The following ARHGEF26 variants were observed in gnomAD, a reference collection of about 807,000 sequenced individuals.
ARHGEF26 encodes the protein Rho guanine nucleotide exchange factor (GEF) 26.
A neutral mutation model predicts 89.4 loss-of-function variants in ARHGEF26; 59 were observed. The ratio of observed to expected loss-of-function variants is 0.66; its 90% confidence interval spans 0.54 to 0.82. The LOEUF (loss-of-function observed/expected upper bound fraction) is 0.82, where lower values mean the gene tolerates loss of function less well. Ranked by LOEUF, ARHGEF26 falls within the 40% of genes least tolerant of loss-of-function variation. The pLI, the probability that ARHGEF26 is intolerant of heterozygous loss-of-function variation, is 0.00. For missense variants in ARHGEF26, 1,234 were observed against 1,085.6 expected (o/e 1.14, Z -1.92); for synonymous variants, 500 against 428.4 (o/e 1.17, Z -2.06).
intron 6 of ARHGEF26, among the ~76,000 whole-genome samples, chr3:154,180,199 G>GT (rs1302160878): frequency 6.6e-6 from 1 of 152,012 alleles, no homozygotes; most frequent in African/African-American, 2.4e-5. Context: ...TCCCATCTCA[G>GT]TATCATTAAT....
chr3:154,179,705 G>A (rs1486392274), intron 6 of ARHGEF26, among the ~76,000 whole-genome samples: 1 of 152,154 alleles, frequency 6.6e-6, no homozygotes, highest in Admixed American at 6.5e-5. Context: ...TTTCTGGGAT[G>A]GATGAAGCTA....
chr3:154,140,540 T>C (rs1274213554), intron 4 of ARHGEF26, among the ~76,000 whole-genome samples: 35 of 151,834 alleles, frequency 2.3e-4, no homozygotes, highest in Admixed American at 2.2e-3. Context: ...CTTTTTACTA[T>C]GCTTGTCTTT....
chr3:154,235,938 AT>A (rs1342920302), intron 11 of ARHGEF26, among the ~76,000 whole-genome samples: 2 of 152,144 alleles, frequency 1.3e-5, no homozygotes, highest in African/African-American at 4.8e-5. Context: ...TTGTATGCAA[AT>A]TTTTAAATGT....
intron 9 of ARHGEF26, among the ~76,000 whole-genome samples, chr3:154,201,681 T>C (rs1308668404): frequency 6.6e-6 from 1 of 151,268 alleles, no homozygotes; most frequent in African/African-American, 2.4e-5. Context: ...TCCTGACTTT[T>C]TAATGATTGC....
intron 6 of ARHGEF26, among the ~76,000 whole-genome samples, chr3:154,174,066 T>G (rs1238431669): frequency 6.6e-6 from 1 of 152,180 alleles, no homozygotes; most frequent in Non-Finnish European, 1.5e-5. Flanking sequence ...AAGATCTGAC[T>G]CCAGAGCTCT....
At chr3:154,214,041 G>A (rs1456483142) in intron 9 of ARHGEF26, among the ~76,000 whole-genome samples, 1 of 152,120 alleles carries the variant, frequency 6.6e-6, no homozygotes, top group Admixed American at 6.5e-5. Flanking sequence ...GACAGAGTGG[G>A]GTGAAGGATG....
chr3:154,132,588 A>G (rs1295496246), intron 4 of ARHGEF26, among the ~76,000 whole-genome samples: 9 of 152,146 alleles, frequency 5.9e-5, no homozygotes, highest in Non-Finnish European at 1.2e-4. Flanking sequence ...ATCATTAACA[A>G]TGTCAGGATG....
chr3:154,125,670 T>A (rs2108038342), intron 3 of ARHGEF26, among the ~76,000 whole-genome samples: 1 of 152,360 alleles, frequency 6.6e-6, no homozygotes, highest in East Asian at 1.9e-4. Flanking sequence ...TTTAGATTTT[T>A]TTTGAAGTCA....
chr3:154,235,059 CT>C lies in ARHGEF26; in HGVS notation c.2091-5301del, dbSNP rs923225869. Among the ~76,000 whole-genome samples the C allele has an allele frequency of 1.5e-4, 23 of 149,986 alleles. 1 individual carries two copies. The South Asian group carries it at 1.7e-3, about 11-fold the overall frequency. On this transcript the variant is annotated intron_variant, in intron 11 of 14. Coordinates refer to ENST00000465093, the MANE Select transcript of ARHGEF26 (RefSeq NM_015595.4). Reference sequence around the variant, plus strand: ...TAATACATCATAAGGCTAGTTTATTCTTTTTTTTTTCCACAATCTTTCTGGC... The same window carrying C: ...TAATACATCATAAGGCTAGTTTATTCTTTTTTTTTCCACAATCTTTCTGGC...
chr3:154,226,695 A>ACACACACACACACACC (rs1553750133), intron 11 of ARHGEF26, among the ~76,000 whole-genome samples: 3 of 125,966 alleles, frequency 2.4e-5, no homozygotes, highest in Non-Finnish European at 3.5e-5. Context: ...ACACACACAC[A>ACACACACACACACACC]CCCCTTCAGC....
chr3:154,194,072 C>T (rs533942182), intron 8 of ARHGEF26, among the ~76,000 whole-genome samples: 2 of 152,050 alleles, frequency 1.3e-5, no homozygotes, highest in Non-Finnish European at 2.9e-5. Flanking sequence ...AAGTATTCTG[C>T]CTGCCTTGGC....
At chr3:154,138,329 G>A (rs1719146153) in intron 4 of ARHGEF26, among the ~76,000 whole-genome samples, 1 of 152,120 alleles carries the variant, frequency 6.6e-6, no homozygotes, top group Non-Finnish European at 1.5e-5. Flanking sequence ...GCACCTTAGT[G>A]TAGCTTGTTA....
chr3:154,151,622 C>T (rs1345504764), intron 5 of ARHGEF26, among the ~76,000 whole-genome samples: 2 of 152,196 alleles, frequency 1.3e-5, no homozygotes, highest in Non-Finnish European at 2.9e-5. Flanking sequence ...AGTTACATCA[C>T]TTAATTTCAT....
At chr3:154,121,356 G>C (rs1293433536), upstream of ARHGEF26, 1 of 152,156 alleles carries the variant, frequency 6.6e-6, no homozygotes, top group Non-Finnish European at 1.5e-5. Context: ...ACGGGGGCGG[G>C]GCCAAGTGTG....
chr3:154,203,770 T>C (rs1010303857), intron 9 of ARHGEF26, among the ~76,000 whole-genome samples: 8 of 152,116 alleles, frequency 5.3e-5, no homozygotes, highest in Non-Finnish European at 1.0e-4. Flanking sequence ...GTTGATATAA[T>C]GTATTACACT....
chr3:154,149,446 G>A lies in ARHGEF26; in HGVS notation c.1326+1G>A. 1 of 1,606,162 alleles carries A rather than the reference G, an allele frequency of 6.2e-7. No homozygotes were observed. On this transcript the variant is annotated splice_donor_variant, in intron 5 of 14. Coordinates refer to ENST00000465093, the MANE Select transcript of ARHGEF26 (RefSeq NM_015595.4). LOFTEE classifies it high-confidence loss of function. Reference sequence around the variant, plus strand: ...CCAGGAGGAAAGAAAGAGACAAGAGGTATGTTTCTACCGAGCAGCTGCTTT... The same window carrying A: ...CCAGGAGGAAAGAAAGAGACAAGAGATATGTTTCTACCGAGCAGCTGCTTT...
chr3:154,124,482 G>C (rs1443954227), intron 3 of ARHGEF26, 33 bp downstream of exon 3: 2 of 1,504,382 alleles, frequency 1.3e-6, no homozygotes, highest in African/African-American at 1.5e-5. Flanking sequence ...TTTCATTGCT[G>C]TTTCAATGTG....
At chr3:154,217,543 C>T (rs1022891457) in intron 9 of ARHGEF26, among the ~76,000 whole-genome samples, 5 of 152,150 alleles carry the variant, frequency 3.3e-5, no homozygotes, top group Non-Finnish European at 5.9e-5. Flanking sequence ...CACTTGTTTA[C>T]TGGTCACATG....
intron 13 of ARHGEF26, among the ~76,000 whole-genome samples, chr3:154,254,459 CTAA>C (rs1718354621): frequency 6.6e-6 from 1 of 152,098 alleles, no homozygotes; most frequent in South Asian, 2.1e-4. Flanking sequence ...TGTGACATGA[CTAA>C]TGACTCCTGA....
Sources: gnomAD v4.1 joint callset for allele counts (sites outside exome capture counted in the v4.1 genomes callset) on GRCh38, gnomAD v4.1.1 for gene constraint, MANE v1.5 for transcripts, NCBI Gene and HGNC (gene_info 2026-07-23, HGNC 2026-07-21) for gene names.